The following TPRG1 variants were observed in gnomAD, a reference collection of about 807,000 sequenced individuals.
TPRG1 encodes the protein tumor protein p63 regulated 1, also known as tumor protein p63-regulated gene 1 protein.
Under a neutral mutation model 29.3 loss-of-function variants are expected in TPRG1, and 29 were observed. That is an observed-to-expected ratio of 0.99 (90% confidence interval 0.74 to 1.35). TPRG1 has a LOEUF of 1.35. Among genes scored for constraint, TPRG1 ranks in the 40% most tolerant of loss-of-function variants. The probability of loss-of-function intolerance (pLI) is 0.00; values close to 1 mark genes in which losing one functional copy is unlikely to be tolerated. For missense variants in TPRG1, 327 were observed against 335.0 expected (o/e 0.98, Z 0.19); for synonymous variants, 130 against 116.8 (o/e 1.11, Z -0.73).
intron 2 of TPRG1, among the ~76,000 whole-genome samples, chr3:189,210,325 T>C (rs181048798): frequency 1.3e-5 from 2 of 152,336 alleles, no homozygotes; most frequent in African/African-American, 4.8e-5. Flanking sequence ...TTCTTGACTT[T>C]ACATCCATTT....
chr3:189,266,024 G>C (rs929601414), intron 4 of TPRG1, among the ~76,000 whole-genome samples: 1 of 152,134 alleles, frequency 6.6e-6, no homozygotes, highest in Non-Finnish European at 1.5e-5. Flanking sequence ...AATGATAAGG[G>C]TTGCAGTTTC....
At chr3:189,098,888 A>G (rs1291572342), upstream of TPRG1, among the ~76,000 whole-genome samples, 1 of 152,124 alleles carries the variant, frequency 6.6e-6, no homozygotes, top group Non-Finnish European at 1.5e-5. Context: ...AGAGTCCTGA[A>G]CCCTTGTCAC....
intron 4 of TPRG1, among the ~76,000 whole-genome samples, chr3:189,251,628 C>T (rs1448671048): frequency 6.6e-6 from 1 of 152,108 alleles, no homozygotes; most frequent in Admixed American, 6.6e-5. Flanking sequence ...CAGATAAACA[C>T]GTGAACCAAG....
At chr3:189,167,415 T>C (rs912100520), upstream of TPRG1, among the ~76,000 whole-genome samples, 1 of 152,248 alleles carries the variant, frequency 6.6e-6, no homozygotes, top group Non-Finnish European at 1.5e-5. Context: ...CTCCCTGCCA[T>C]GAATGGCTGG....
chr3:189,269,367 C>T (rs1309326009), intron 4 of TPRG1, among the ~76,000 whole-genome samples: 1 of 152,074 alleles, frequency 6.6e-6, no homozygotes, highest in East Asian at 1.9e-4. Flanking sequence ...TTTCGTTTTT[C>T]ACTTTTTGAA....
intron 4 of TPRG1, among the ~76,000 whole-genome samples, chr3:189,075,336 T>C (rs1045273712): frequency 6.6e-6 from 1 of 152,016 alleles, no homozygotes; most frequent in Non-Finnish European, 1.5e-5. Flanking sequence ...GGTTTCACCA[T>C]GTTGGCCAGG....
chr3:189,207,285 C>G (rs2108804922), intron 1 of TPRG1, 91 bp from the exon 2 acceptor site: 1 of 1,491,194 alleles, frequency 6.7e-7, no homozygotes, highest in East Asian at 2.4e-5. Flanking sequence ...TTCAGGAATT[C>G]CGTTTGCTCA....
In TPRG1 at chr3:189,214,001, A is replaced by G. The variant is rs143054115; in HGVS notation, c.211-1291A>G. On this transcript the variant is annotated intron_variant, in intron 2 of 5. Transcript: ENST00000345063. ...TAAGGCTGCAAAGAACACTTTATAG[A>G]TATGTCATTTTGTATATATGCAAAA... Among the ~76,000 whole-genome samples, 345 of 152,286 alleles carry G rather than the reference A, an allele frequency of 2.3e-3. 2 individuals are homozygous for G. The highest frequency in any genetic ancestry group is 7.9e-3 in the African/African-American group (330 of 41,560).
At chr3:189,028,705 G>T (rs895425780) in intron 4 of TPRG1, among the ~76,000 whole-genome samples, 2 of 152,066 alleles carry the variant, frequency 1.3e-5, no homozygotes, top group Non-Finnish European at 2.9e-5. Context: ...ATGTAGTAGG[G>T]GTAAGATGTT....
intron 4 of TPRG1, among the ~76,000 whole-genome samples, chr3:189,066,458 G>A (rs756950356): frequency 1.3e-5 from 2 of 151,978 alleles, no homozygotes; most frequent in Admixed American, 6.6e-5. Flanking sequence ...ACATTAAAAA[G>A]ATATTTCATC....
chr3:189,258,593 C>T (rs1712353593), intron 4 of TPRG1, among the ~76,000 whole-genome samples: 1 of 152,168 alleles, frequency 6.6e-6, no homozygotes, highest in Non-Finnish European at 1.5e-5. Flanking sequence ...TCTGCTGAAA[C>T]TGTGCCCACA....
chr3:189,250,643 G>A (rs1164137265), intron 4 of TPRG1, among the ~76,000 whole-genome samples: 1 of 150,188 alleles, frequency 6.7e-6, no homozygotes. Flanking sequence ...TAAGGCAGCA[G>A]CAGGCAGAGA....
chr3:189,149,305 T>C (rs1428259920), intron 4 of TPRG1, among the ~76,000 whole-genome samples: 1 of 152,198 alleles, frequency 6.6e-6, no homozygotes, highest in Non-Finnish European at 1.5e-5. Flanking sequence ...ATCTACAGCA[T>C]ATGTGCAGCA....
At chr3:189,067,938 C>T (rs999462419) in intron 4 of TPRG1, among the ~76,000 whole-genome samples, 1 of 152,062 alleles carries the variant, frequency 6.6e-6, no homozygotes, top group African/African-American at 2.4e-5. Context: ...GGATTACTAT[C>T]CAGAATATAA....
intron 4 of TPRG1, among the ~76,000 whole-genome samples, chr3:189,067,800 A>T (rs1156364888): frequency 6.6e-6 from 1 of 152,226 alleles, no homozygotes; most frequent in Admixed American, 6.5e-5. Context: ...AAGCACAGGT[A>T]GTCAAAGCAA....
In TPRG1 at chr3:189,320,637, C is replaced by T. The variant is rs1288597230; in HGVS notation, c.645C>T (p.Phe215=). ...TTTTTCTTCTTCAGTTGTCTGGGTT[C>T]ATGTCTAAGCTTGTTCCAGCTATCC... ...KFLEICKLSG[F]MSKLVPAIQN... is the part of the protein sequence containing the mutation. The change falls in exon 6 of 6, where the codon TTC becomes TTT. Residue 215 remains phenylalanine, a synonymous_variant. Coordinates refer to ENST00000345063, the MANE Select transcript of TPRG1 (RefSeq NM_198485.4). 8.7e-6 allele frequency: 14 copies of T among 1,604,026 alleles called. No individual in the cohort carries two copies. The highest frequency in any genetic ancestry group is 1.1e-5 in the Non-Finnish European group (13 of 1,176,358).
At chr3:189,005,254 G>T (rs114183801) in intron 3 of TPRG1, among the ~76,000 whole-genome samples, 1 of 152,206 alleles carries the variant, frequency 6.6e-6, no homozygotes, top group Non-Finnish European at 1.5e-5. Flanking sequence ...CATAGAAAAT[G>T]TTTTTTGCTT....
At position 189,311,864 on chromosome 3, in the gene TPRG1, A is replaced by AACACCTATTTGAAGGCAAGAATATGAG. The variant is rs1182755695; in HGVS notation, c.633+1327_633+1353dup. ...ACAAAACAACCAATAAGAACAACCT[A>AACACCTATTTGAAGGCAAGAATATGAG]ACACCTATTTGAAGGCAAGAATATG... On this transcript the variant is annotated intron_variant, in intron 5 of 5. Coordinates refer to ENST00000345063, the MANE Select transcript of TPRG1 (RefSeq NM_198485.4). 1.3e-3 allele frequency among the ~76,000 whole-genome samples: 205 copies of AACACCTATTTGAAGGCAAGAATATGAG among 152,226 alleles called. 1 individual carries two copies. The highest frequency in any genetic ancestry group is 4.8e-3 in the African/African-American group (198 of 41,512).
intron 4 of TPRG1, among the ~76,000 whole-genome samples, chr3:189,071,835 G>T (rs933760083): frequency 8.5e-5 from 13 of 152,220 alleles, no homozygotes; most frequent in African/African-American, 3.1e-4. Context: ...TAATTAGCTT[G>T]TGTGTTCACT....
Sources: allele counts gnomAD v4.1 joint callset (sites outside exome capture counted in the v4.1 genomes callset), GRCh38; gene constraint gnomAD v4.1.1; transcripts MANE v1.5; gene names NCBI Gene and HGNC (gene_info 2026-07-23, HGNC 2026-07-21).